SIK3: variants seen among roughly 807,000 people sequenced by gnomAD.
The protein encoded by SIK3 is serine/threonine-protein kinase SIK3.
Under a neutral mutation model 144.2 loss-of-function variants are expected in SIK3, and 28 were observed. That is an observed-to-expected ratio of 0.19 (90% CI 0.14 to 0.27). The LOEUF (loss-of-function observed/expected upper bound fraction) is 0.27. Ranked by LOEUF, SIK3 falls within the 10% of genes least tolerant of loss-of-function variation. SIK3 has a pLI of 1.00. For synonymous variants in SIK3, 686 were observed against 676.3 expected (o/e 1.01, Z -0.22); for missense variants, 1,319 against 1,776.0 (o/e 0.74, Z 4.62).
chr11:116,921,354 A>G (rs1946961839), intron 4 of SIK3, among the ~76,000 whole-genome samples: 1 of 152,146 alleles, frequency 6.6e-6, no homozygotes, highest in South Asian at 2.1e-4. Flanking sequence ...TCAAAGATCT[A>G]ATGTTTGCTG....
intron 1 of SIK3, among the ~76,000 whole-genome samples, chr11:117,089,158 C>A (rs989033496): frequency 2.7e-4 from 41 of 152,048 alleles, no homozygotes; most frequent in Admixed American, 2.4e-3. Flanking sequence ...GTAATCCCAG[C>A]ACTTTGGGAG....
Position 116,866,523 on chromosome 11 carries a change from C to T in SIK3, c.1952+1423G>A, listed in dbSNP as rs189125655. Among the ~76,000 whole-genome samples, 33 of 152,216 alleles carry T rather than the reference C, an allele frequency of 2.2e-4. No individual in the cohort carries two copies. In the East Asian group the frequency reaches 4.6e-3, roughly 21 times the overall value. ...GTGGCATGATCTCGGCTCACTGCAA[C>T]GTCTGCCTCCCGGGTTCAAGCAATT... On this transcript the variant is annotated intron_variant, in intron 15 of 24. Coordinates refer to ENST00000445177, the MANE Select transcript of SIK3 (RefSeq NM_001366686.3).
At chr11:116,869,857 A>AGGGGGT in intron 14 of SIK3, 1 of 316,962 alleles carries the variant, frequency 3.2e-6, no homozygotes, top group Non-Finnish European at 6.2e-6. Context: ...TGTTGGTACA[A>AGGGGGT]GGGGGTGGAA....
At chr11:117,095,133 C>T (rs1366811215) in intron 1 of SIK3, among the ~76,000 whole-genome samples, 1 of 148,662 alleles carries the variant, frequency 6.7e-6, no homozygotes, top group East Asian at 2.0e-4. Context: ...GTGCAGTATC[C>T]TACTCAATAA....
Position 117,096,933 on chromosome 11 carries a change from G to A in SIK3, c.273+1210C>T, listed in dbSNP as rs1482207422. ...GTAGGAGGCGGCAGCAGCTGTAAGGGTTCTTCATTCCTCAGGCTGAGGGAA... is the reference window on the plus strand; with the variant it reads ...GTAGGAGGCGGCAGCAGCTGTAAGGATTCTTCATTCCTCAGGCTGAGGGAA... On this transcript the variant is annotated intron_variant, in intron 1 of 24. Transcript: ENST00000445177. 3.3e-5 allele frequency among the ~76,000 whole-genome samples: 5 copies of A among 152,302 alleles called. No homozygotes were observed. The East Asian group carries it at 9.6e-4, about 29-fold the overall frequency.
chr11:116,919,272 G>A (rs577932189), intron 4 of SIK3, among the ~76,000 whole-genome samples: 1 of 152,248 alleles, frequency 6.6e-6, no homozygotes, highest in South Asian at 2.1e-4. Context: ...AAGGTCAATT[G>A]AGTTAGGAAA....
chr11:117,009,100 T>C (rs1296791971), intron 1 of SIK3, among the ~76,000 whole-genome samples: 1 of 151,758 alleles, frequency 6.6e-6, no homozygotes, highest in Non-Finnish European at 1.5e-5. Flanking sequence ...CCAGGTGTAG[T>C]GGTGTGCGCC....
intron 4 of SIK3, among the ~76,000 whole-genome samples, chr11:116,926,051 G>T (rs1947256315): frequency 6.6e-6 from 1 of 152,012 alleles, no homozygotes; most frequent in Non-Finnish European, 1.5e-5. Context: ...CCCTGCAAAG[G>T]TACCCTTAGG....
At chr11:117,091,324 C>T (rs897395627) in intron 1 of SIK3, among the ~76,000 whole-genome samples, 20 of 151,094 alleles carry the variant, frequency 1.3e-4, no homozygotes, top group African/African-American at 4.6e-4. Context: ...CCTGCCTCAG[C>T]CTCCCAAGTA....
chr11:116,911,876 A>G (rs1364245645), intron 4 of SIK3, among the ~76,000 whole-genome samples: 2 of 152,214 alleles, frequency 1.3e-5, no homozygotes, highest in Non-Finnish European at 2.9e-5. Context: ...AATGGGAAAG[A>G]TGTATGACCT....
At chr11:117,006,111 G>C (rs1342285777) in intron 1 of SIK3, among the ~76,000 whole-genome samples, 1 of 152,132 alleles carries the variant, frequency 6.6e-6, no homozygotes, top group Non-Finnish European at 1.5e-5. Context: ...AAAGAAAAAA[G>C]CAGAGAACAA....
At chr11:116,852,631 G>A (rs1170202719) in intron 21 of SIK3, among the ~76,000 whole-genome samples, 1 of 152,222 alleles carries the variant, frequency 6.6e-6, no homozygotes, top group Admixed American at 6.5e-5. Context: ...ATAAAGTCTA[G>A]CATGATTTAT....
At chr11:116,977,522 T>C (rs952685396) in intron 1 of SIK3, among the ~76,000 whole-genome samples, 1 of 152,200 alleles carries the variant, frequency 6.6e-6, no homozygotes, top group African/African-American at 2.4e-5. Flanking sequence ...TCTTCCAAAG[T>C]AGGTCAGGTC....
At chr11:116,885,462 G>T (rs1013129677) in intron 6 of SIK3, among the ~76,000 whole-genome samples, 2 of 152,118 alleles carry the variant, frequency 1.3e-5, no homozygotes, top group Non-Finnish European at 2.9e-5. Context: ...TGGCCTAAAG[G>T]GTAGGGATGC....
chr11:116,846,659 G>A lies in SIK3; in HGVS notation c.3953-106C>T. On this transcript the variant is annotated intron_variant, in intron 23 of 24. Coordinates refer to ENST00000445177, the MANE Select transcript of SIK3 (RefSeq NM_001366686.3). The surrounding 1 kb of genome is among the most constrained non-coding windows in gnomAD (Gnocchi z 4.1). Reference sequence around the variant, plus strand: ...AAGGCAACCTGTCGAGCATCCCACAGCCTGACTCCCAGCCCTGAATTCTAG... The same window carrying A: ...AAGGCAACCTGTCGAGCATCCCACAACCTGACTCCCAGCCCTGAATTCTAG... 1 of 1,295,434 alleles carries A rather than the reference G, an allele frequency of 7.7e-7. No homozygotes were observed. The highest frequency in any genetic ancestry group is 1.1e-6 in the Non-Finnish European group (1 of 924,942). The allele number at this position is 1,295,434 out of a possible 1,614,324, so 80.2% of individuals were successfully genotyped here.
At chr11:117,035,184 T>C (rs1444275716) in intron 1 of SIK3, among the ~76,000 whole-genome samples, 1 of 152,126 alleles carries the variant, frequency 6.6e-6, no homozygotes, top group Non-Finnish European at 1.5e-5. Context: ...TATCTTACCA[T>C]AAATATTAAT....
intron 1 of SIK3, among the ~76,000 whole-genome samples, chr11:116,977,048 C>T (rs1949968990): frequency 6.6e-6 from 1 of 151,850 alleles, no homozygotes; most frequent in African/African-American, 2.4e-5. Context: ...TAAAATAGGA[C>T]AATTAAAAAT....
rs780293957 is a variant in SIK3, at chr11:116,874,002, G to A, written c.1482C>T (p.Asn494=). The A allele has an allele frequency of 7.4e-6, 12 of 1,614,076 alleles. No homozygotes were observed. Among genetic ancestry groups the A allele is most frequent in the Non-Finnish European group, 1.0e-5 (12 of 1,179,958 alleles). The change falls in exon 12 of 25, where the codon AAC becomes AAT. Residue 494 remains asparagine, a synonymous_variant. Coordinates refer to ENST00000445177, the MANE Select transcript of SIK3 (RefSeq NM_001366686.3). ...CCACCTGCAGGAATGGAGCCTGGGG[G>A]TTGACTCCAGGAAAGCCAGGTAGGA... The part of the protein sequence containing the change: ...QKLLPGFPGV[N]PQAPFLQVAP...
Position 116,873,534 on chromosome 11 carries a change from G to T in SIK3, c.1684C>A (p.Gln562Lys), listed in dbSNP as rs1306208677. 2.5e-6 allele frequency: 4 copies of T among 1,613,312 alleles called. No individual in the cohort carries two copies. Among genetic ancestry groups the T allele is most frequent in the African/African-American group, 1.3e-5 (1 of 74,978 alleles). ...DGGANIQLHA[Q>K]QLLKRPRGPS... ...CCCCGTGGGCGCTTCAGCAGCTGCT[G>T]GGCATGCAGTTGGATGTTGGCTCCT... The change falls in exon 13 of 25, where the codon CAG becomes AAG. Residue 562 changes from glutamine (Q) to lysine (K), a missense_variant. Transcript: ENST00000445177.
Sources: gnomAD v4.1 joint callset for allele counts (sites outside exome capture counted in the v4.1 genomes callset) on GRCh38, gnomAD v4.1.1 for gene constraint, Gnocchi (gnomAD v3.1) non-coding constraint, MANE v1.5 for transcripts, NCBI Gene and HGNC (gene_info 2026-07-23, HGNC 2026-07-21) for gene names.